STAC: variants seen among roughly 807,000 people sequenced by gnomAD.
The protein encoded by STAC is SH3 and cysteine rich domain.
Under a neutral mutation model 48.8 loss-of-function variants are expected in STAC, and 43 were observed. That is an observed-to-expected ratio of 0.88 (90% confidence interval 0.69 to 1.14). The LOEUF is 1.14. STAC is among the 50% of genes most tolerant of loss of function. The pLI is 0.00. For missense variants in STAC, 497 were observed against 504.0 expected, an observed-to-expected ratio of 0.99 and a Z score of 0.13; for synonymous variants, 193 against 179.5, an observed-to-expected ratio of 1.07 and a Z score of -0.60.
chr3:36,460,815 C>T (rs1457610969), intron 2 of STAC, among the ~76,000 whole-genome samples: 1 of 152,060 alleles, frequency 6.6e-6, no homozygotes, highest in Non-Finnish European at 1.5e-5. Context: ...CAATGCAATC[C>T]CTATCAAAAT....
chr3:36,474,622 C>T (rs1697440938), intron 2 of STAC, among the ~76,000 whole-genome samples: 3 of 152,014 alleles, frequency 2.0e-5, no homozygotes, highest in African/African-American at 7.2e-5. Flanking sequence ...TCATACACAA[C>T]CTATAAAAAT....
intron 10 of STAC, among the ~76,000 whole-genome samples, chr3:36,541,046 T>C (rs893549859): frequency 2.0e-5 from 3 of 152,176 alleles, no homozygotes; most frequent in African/African-American, 7.2e-5. Flanking sequence ...ACCAAATTCT[T>C]CCACATTTCT....
intron 1 of STAC, among the ~76,000 whole-genome samples, chr3:36,423,920 G>A (rs73061910): frequency 0.023 from 3,536 of 152,042 alleles, 61 homozygotes; most frequent in East Asian, 0.026. Flanking sequence ...GTCCTAAAAT[G>A]TGCCTCCAAA....
intron 1 of STAC, among the ~76,000 whole-genome samples, chr3:36,408,828 CTTG>C (rs1381768150): frequency 6.6e-6 from 1 of 152,152 alleles, no homozygotes; most frequent in East Asian, 1.9e-4. Context: ...ATTAAGACCT[CTTG>C]TTGTATCAAA....
chr3:36,391,947 C>T (rs1699759261), intron 1 of STAC, among the ~76,000 whole-genome samples: 1 of 152,170 alleles, frequency 6.6e-6, no homozygotes, highest in African/African-American at 2.4e-5. Context: ...CCCAGGAATG[C>T]CACTGCTCCC....
chr3:36,469,475 C>T (rs560916265), intron 2 of STAC, among the ~76,000 whole-genome samples: 51 of 152,202 alleles, frequency 3.4e-4, no homozygotes, highest in African/African-American at 1.2e-3. Flanking sequence ...GATAGGTTTT[C>T]ATTTATAGGT....
chr3:36,527,185 A>T (rs967806928), intron 8 of STAC, among the ~76,000 whole-genome samples: 1 of 152,218 alleles, frequency 6.6e-6, no homozygotes, highest in Admixed American at 6.5e-5. Flanking sequence ...GATTTTAGAA[A>T]AAATACTTGA....
intron 1 of STAC, among the ~76,000 whole-genome samples, chr3:36,411,288 T>C (rs1034038663): frequency 6.6e-6 from 1 of 152,228 alleles, no homozygotes; most frequent in Middle Eastern, 3.2e-3. Context: ...TCAGTACAAA[T>C]CTTTTTAATA....
At chr3:36,391,069 C>T (rs1364467360) in intron 1 of STAC, among the ~76,000 whole-genome samples, 11 of 152,120 alleles carry the variant, frequency 7.2e-5, no homozygotes, top group Admixed American at 4.6e-4. Flanking sequence ...CCATGAATTC[C>T]ATCATGTTCA....
chr3:36,518,336 C>A (rs985994929), intron 8 of STAC, among the ~76,000 whole-genome samples: 1 of 152,044 alleles, frequency 6.6e-6, no homozygotes, highest in Non-Finnish European at 1.5e-5. Context: ...TTAATTTTGA[C>A]TTCCCACATC....
chr3:36,466,918 T>C (rs55796783), intron 2 of STAC, among the ~76,000 whole-genome samples: 4,730 of 152,106 alleles, frequency 0.031, 221 homozygotes, highest in African/African-American at 0.11. Flanking sequence ...CATCCTAGTC[T>C]TGTTCCAGTT....
chr3:36,510,418 C>G (rs1003277156), intron 8 of STAC, among the ~76,000 whole-genome samples: 1 of 151,952 alleles, frequency 6.6e-6, no homozygotes, highest in Non-Finnish European at 1.5e-5. Context: ...GATCTAGAAC[C>G]AGAACTACTA....
At chr3:36,433,134 G>A (rs1430434200) in intron 1 of STAC, among the ~76,000 whole-genome samples, 1 of 152,156 alleles carries the variant, frequency 6.6e-6, no homozygotes, top group Non-Finnish European at 1.5e-5. Context: ...CCTGCAAGGA[G>A]GACCAGGCTA....
chr3:36,463,227 A>G (rs550666616), intron 2 of STAC, among the ~76,000 whole-genome samples: 52 of 152,296 alleles, frequency 3.4e-4, no homozygotes, highest in African/African-American at 1.2e-3. Flanking sequence ...AATTCTCTCA[A>G]TGATTTGATA....
chr3:36,493,346 CGA>C (rs1379953774), intron 6 of STAC, 117 bp downstream of exon 6: 1 of 901,278 alleles, frequency 1.1e-6, no homozygotes, highest in East Asian at 2.6e-5. Context: ...TTAATCAGGG[CGA>C]GTGTTCAATG....
At chr3:36,435,783 G>A (rs994864460) in intron 1 of STAC, among the ~76,000 whole-genome samples, 5 of 152,050 alleles carry the variant, frequency 3.3e-5, no homozygotes, top group Non-Finnish European at 5.9e-5. Flanking sequence ...CTTACTTGAC[G>A]TTATTATTTA....
intron 8 of STAC, among the ~76,000 whole-genome samples, chr3:36,527,442 T>G (rs1463997004): frequency 6.6e-6 from 1 of 152,262 alleles, no homozygotes; most frequent in East Asian, 1.9e-4. Flanking sequence ...TAAAAATGTT[T>G]TCTGAAAACT....
intron 8 of STAC, among the ~76,000 whole-genome samples, chr3:36,524,040 G>A (rs1234554254): frequency 6.6e-6 from 1 of 152,058 alleles, no homozygotes; most frequent in Admixed American, 6.5e-5. Context: ...CAGGCTGTGG[G>A]GTAGGCTAGG....
intron 1 of STAC, among the ~76,000 whole-genome samples, chr3:36,428,734 C>T (rs1700623930): frequency 2.0e-5 from 3 of 152,024 alleles, no homozygotes; most frequent in African/African-American, 4.8e-5. Context: ...TTGTGATCAG[C>T]AAGGAGGCCA....
Sources: allele counts gnomAD v4.1 joint callset (sites outside exome capture counted in the v4.1 genomes callset), GRCh38; gene constraint gnomAD v4.1.1; transcripts MANE v1.5; gene names NCBI Gene and HGNC (gene_info 2026-07-23, HGNC 2026-07-21).